Variants in ERBB4 observed in about 807,000 individuals in gnomAD.
ERBB4 encodes the protein receptor tyrosine-protein kinase erbB-4.
In ERBB4, 42 loss-of-function variants were observed where a neutral mutation model predicts 158.0. The ratio of observed to expected loss-of-function variants is 0.27; its 90% CI spans 0.21 to 0.34. The LOEUF (loss-of-function observed/expected upper bound fraction) is 0.34, where lower values mean the gene tolerates loss of function less well. Ranked by LOEUF, ERBB4 falls within the 10% of genes least tolerant of loss-of-function variation. The pLI is 1.00. For missense variants in ERBB4, 1,333 were observed against 1,624.1 expected (o/e 0.82, Z 3.08); for synonymous variants, 583 against 558.7 (o/e 1.04, Z -0.61).
chr2:212,213,930 G>A (rs186460670), intron 1 of ERBB4, among the ~76,000 whole-genome samples: 7 of 151,774 alleles, frequency 4.6e-5, no homozygotes, highest in African/African-American at 1.7e-4. Context: ...GTGTTTGCAG[G>A]TTAATCCCTT....
chr2:212,394,357 A>G (rs577088667), intron 1 of ERBB4, among the ~76,000 whole-genome samples: 4 of 152,142 alleles, frequency 2.6e-5, no homozygotes, highest in Non-Finnish European at 4.4e-5. Context: ...AGTTAATATT[A>G]TAATGGTACT....
At chr2:211,709,209 A>G (rs969442034) in intron 9 of ERBB4, among the ~76,000 whole-genome samples, 2 of 147,498 alleles carry the variant, frequency 1.4e-5, no homozygotes, top group Non-Finnish European at 3.0e-5. Flanking sequence ...TCTGGGCCGG[A>G]GGTGACTATA....
At chr2:211,457,830 A>T (rs747156461) in intron 20 of ERBB4, among the ~76,000 whole-genome samples, 1 of 152,192 alleles carries the variant, frequency 6.6e-6, no homozygotes, top group Non-Finnish European at 1.5e-5. Flanking sequence ...GACTATTTCA[A>T]CTATTACCAC....
intron 1 of ERBB4, among the ~76,000 whole-genome samples, chr2:212,480,152 TGATAACAA>T (rs1208514929): frequency 5.3e-5 from 8 of 152,296 alleles, no homozygotes. Context: ...TTAAAATACC[TGATAACAA>T]TTTATAAAAA....
chr2:212,242,220 T>G (rs2084134263), intron 1 of ERBB4, among the ~76,000 whole-genome samples: 2 of 151,934 alleles, frequency 1.3e-5, no homozygotes, highest in African/African-American at 4.8e-5. Context: ...TTCCTCTTGT[T>G]AAAGAAGAGA....
chr2:212,172,525 C>T (rs2081548265), intron 1 of ERBB4, among the ~76,000 whole-genome samples: 2 of 152,016 alleles, frequency 1.3e-5, no homozygotes, highest in African/African-American at 4.8e-5. Context: ...ACATTTCCAT[C>T]AATTGCAGAT....
chr2:211,763,160 T>C (rs2075457546), intron 4 of ERBB4, among the ~76,000 whole-genome samples: 1 of 152,076 alleles, frequency 6.6e-6, no homozygotes. Flanking sequence ...AGACTATGAA[T>C]ATTCCCATAT....
rs950227857 is a variant in ERBB4, at chr2:212,167,707, T to C, written c.83-42804A>G. ...AACCAACACAAATGCCCATCAATGA[T>C]AGACTGGATAAAGAAAATGTGGTAC... On this transcript the variant is annotated intron_variant, in intron 1 of 27. Coordinates refer to ENST00000342788, the MANE Select transcript of ERBB4 (RefSeq NM_005235.3). 3.4e-4 allele frequency among the ~76,000 whole-genome samples: 51 copies of C among 152,060 alleles called. 1 individual carries two copies. Among genetic ancestry groups the C allele is most frequent in the African/African-American group, 1.1e-3 (47 of 41,408 alleles).
chr2:212,071,732 C>G (rs368385148), intron 2 of ERBB4, among the ~76,000 whole-genome samples: 1 of 151,904 alleles, frequency 6.6e-6, no homozygotes, highest in African/African-American at 2.4e-5. Context: ...AAAGCTATTA[C>G]GATGAAACAT....
At chr2:212,353,848 C>T (rs2089358981) in intron 1 of ERBB4, among the ~76,000 whole-genome samples, 1 of 152,108 alleles carries the variant, frequency 6.6e-6, no homozygotes, top group African/African-American at 2.4e-5. Flanking sequence ...CAACTACAAG[C>T]AGAAATAACT....
chr2:212,096,707 T>G (rs973037228), intron 2 of ERBB4, among the ~76,000 whole-genome samples: 4 of 152,310 alleles, frequency 2.6e-5, no homozygotes, highest in African/African-American at 9.6e-5. Flanking sequence ...AATATCTAGC[T>G]TAATTATCTG....
rs1168793490 is a variant in ERBB4 at position 212,538,218 on chromosome 2, T to TA, written c.82+230dup. Among the ~76,000 whole-genome samples, 12 of 148,788 alleles carry TA rather than the reference T, an allele frequency of 8.1e-5. No homozygotes were observed. The East Asian group carries it at 2.3e-3, about 29-fold the overall frequency. ...CGCTCGGGAAAGAAAAGCAGGGGGT[T>TA]AAGGAGAGAAAAGAGGGACTCAGAG... On this transcript the variant is annotated intron_variant, in intron 1 of 27. Transcript: ENST00000342788.
chr2:211,684,565 A>G (rs2072487688), intron 12 of ERBB4, among the ~76,000 whole-genome samples: 1 of 152,186 alleles, frequency 6.6e-6, no homozygotes, highest in Non-Finnish European at 1.5e-5. Context: ...GCTTCCTCAT[A>G]GTTGTTTGCT....
At chr2:211,492,070 G>GAA (rs35459917) in intron 20 of ERBB4, among the ~76,000 whole-genome samples, 36,534 of 144,840 alleles carry the variant, frequency 0.25, 5,044 homozygotes, top group East Asian at 0.39. Context: ...CTCACCTTAA[G>GAA]AAAAAAAAAA....
chr2:212,071,963 A>T (rs2078133752), intron 2 of ERBB4, among the ~76,000 whole-genome samples: 1 of 151,960 alleles, frequency 6.6e-6, no homozygotes, highest in South Asian at 2.1e-4. Flanking sequence ...ACACATCATG[A>T]GGTATGTATT....
At chr2:211,495,969 C>T (rs1407139376) in intron 20 of ERBB4, among the ~76,000 whole-genome samples, 1 of 151,990 alleles carries the variant, frequency 6.6e-6, no homozygotes, top group African/African-American at 2.4e-5. Context: ...AATCTCCATA[C>T]TGATAAATAT....
At chr2:212,406,657 T>TA (rs1339787868) in intron 1 of ERBB4, among the ~76,000 whole-genome samples, 1 of 152,142 alleles carries the variant, frequency 6.6e-6, no homozygotes, top group African/African-American at 2.4e-5. Context: ...TGCTCACTGT[T>TA]AAAAACCTCT....
chr2:212,520,445 G>C (rs1692091831), intron 1 of ERBB4, among the ~76,000 whole-genome samples: 1 of 151,800 alleles, frequency 6.6e-6, no homozygotes, highest in Admixed American at 6.6e-5. Flanking sequence ...TACATTAAAA[G>C]GTTTTTATCT....
chr2:212,128,500 C>A (rs2080010448), intron 1 of ERBB4, among the ~76,000 whole-genome samples: 1 of 152,166 alleles, frequency 6.6e-6, no homozygotes, highest in African/African-American at 2.4e-5. Flanking sequence ...ATGAGTGACA[C>A]ACCTTAGAGA....
Sources: gnomAD v4.1 joint callset for allele counts (sites outside exome capture counted in the v4.1 genomes callset) on GRCh38, gnomAD v4.1.1 for gene constraint, MANE v1.5 for transcripts, NCBI Gene and HGNC (gene_info 2026-07-23, HGNC 2026-07-21) for gene names.